Variants in CNTNAP3 observed in about 807,000 individuals in gnomAD.
CNTNAP3 encodes contactin associated protein family member 3.
In CNTNAP3, 36 loss-of-function variants were observed where a neutral mutation model predicts 92.1. That is an observed-to-expected ratio of 0.39 (90% CI 0.30 to 0.52). The LOEUF (loss-of-function observed/expected upper bound fraction) is 0.52, where lower values mean the gene tolerates loss of function less well. Ranked by LOEUF, CNTNAP3 falls within the 20% of genes least tolerant of loss-of-function variation. The pLI is 0.76. For missense variants in CNTNAP3, 534 were observed against 1,069.6 expected (o/e 0.50, Z 6.98); for synonymous variants, 232 against 422.3 (o/e 0.55, Z 5.53).
At chr9:39,075,885 C>T (rs1825748874) in intron 23 of CNTNAP3, among the ~76,000 whole-genome samples, 1 of 152,312 alleles carries the variant, frequency 6.6e-6, no homozygotes, top group South Asian at 2.1e-4. Flanking sequence ...AGGTCTGTCC[C>T]AACTACAAAG....
intron 13 of CNTNAP3, among the ~76,000 whole-genome samples, chr9:39,130,097 A>T (rs537265022): frequency 3.9e-5 from 6 of 152,318 alleles, no homozygotes; most frequent in African/African-American, 1.4e-4. Flanking sequence ...TTATAAAACT[A>T]AGTATGCAAT....
chr9:39,113,527 T>C (rs1820760584), intron 14 of CNTNAP3, among the ~76,000 whole-genome samples: 1 of 151,560 alleles, frequency 6.6e-6, no homozygotes, highest in African/African-American at 2.4e-5. Flanking sequence ...TTTATATTAT[T>C]TTGGATTTTC....
chr9:39,139,436 A>G (rs1238689746), intron 12 of CNTNAP3, among the ~76,000 whole-genome samples: 1 of 152,230 alleles, frequency 6.6e-6, no homozygotes, highest in Admixed American at 6.5e-5. Flanking sequence ...GTGGCTCTGA[A>G]TCTTCTGAAC....
At chr9:39,179,286 T>TCCACACACAC (rs1491209886) in intron 4 of CNTNAP3, among the ~76,000 whole-genome samples, 1 of 80,724 alleles carries the variant, frequency 1.2e-5, no homozygotes, top group Non-Finnish European at 2.3e-5. Flanking sequence ...TCTCTCTCTC[T>TCCACACACAC]ACACACACAC....
At chr9:39,074,895 AG>A (rs1369166104) in intron 23 of CNTNAP3, among the ~76,000 whole-genome samples, 1 of 152,264 alleles carries the variant, frequency 6.6e-6, no homozygotes, top group Non-Finnish European at 1.5e-5. Flanking sequence ...CAGGCTCCTG[AG>A]TAGCTGGGAC....
At chr9:39,132,060 T>G (rs966042358) in intron 13 of CNTNAP3, among the ~76,000 whole-genome samples, 1 of 152,128 alleles carries the variant, frequency 6.6e-6, no homozygotes, top group African/African-American at 2.4e-5. Flanking sequence ...GTTGCTCTGC[T>G]GCCCAAGCTG....
intron 18 of CNTNAP3, among the ~76,000 whole-genome samples, chr9:39,098,151 G>A (rs77696831): frequency 7.4e-6 from 1 of 135,666 alleles, no homozygotes; most frequent in Non-Finnish European, 1.6e-5. Context: ...TGTCTGGATA[G>A]AAAGGCTAAT....
chr9:39,125,073 G>C (rs1450293847), intron 13 of CNTNAP3, among the ~76,000 whole-genome samples: 1 of 152,066 alleles, frequency 6.6e-6, no homozygotes, highest in Non-Finnish European at 1.5e-5. Flanking sequence ...GTTTACTGAG[G>C]CAGTATTCAC....
chr9:39,095,134 T>G (rs1194151658), intron 18 of CNTNAP3, among the ~76,000 whole-genome samples: 3 of 151,700 alleles, frequency 2.0e-5, no homozygotes, highest in African/African-American at 7.2e-5. Context: ...CACTTTCAGA[T>G]TTTTCATTGC....
chr9:39,090,762 C>T (rs1211438296), intron 18 of CNTNAP3, among the ~76,000 whole-genome samples: 1 of 152,218 alleles, frequency 6.6e-6, no homozygotes, highest in Non-Finnish European at 1.5e-5. Flanking sequence ...TGAAACTGTA[C>T]TGAATCTGTA....
chr9:39,137,480 C>T (rs1044567256), intron 12 of CNTNAP3, among the ~76,000 whole-genome samples: 3 of 152,040 alleles, frequency 2.0e-5, no homozygotes, highest in Non-Finnish European at 2.9e-5. Context: ...ATTCCAATGT[C>T]CCTGCCATAT....
rs747410251 is a variant in CNTNAP3, at chr9:39,118,277, G to A, written c.2081-18C>T. The A allele has an allele frequency of 5.0e-6, 8 of 1,612,896 alleles. No homozygotes were observed. The highest frequency in any genetic ancestry group is 1.7e-5 in the Admixed American group (1 of 59,900). On this transcript the variant is annotated intron_variant, in intron 13 of 23. Coordinates refer to ENST00000297668, the MANE Select transcript of CNTNAP3 (RefSeq NM_033655.5). Reference sequence around the variant, plus strand: ...GGTTCCATCTGAAAGACAAGTATAAGAAACATGACATCTACTTTGTCCCTC... The same window carrying A: ...GGTTCCATCTGAAAGACAAGTATAAAAAACATGACATCTACTTTGTCCCTC...
intron 14 of CNTNAP3, among the ~76,000 whole-genome samples, chr9:39,115,803 C>A (rs1013491035): frequency 6.6e-6 from 1 of 151,992 alleles, no homozygotes; most frequent in Non-Finnish European, 1.5e-5. Flanking sequence ...CAGTTCCTCC[C>A]ATTCCCCTCC....
In CNTNAP3 at chr9:39,159,638, A is replaced by AGATG. The variant is rs1822039333; in HGVS notation, c.1477+6294_1477+6295insCATC. The AGATG allele has an allele frequency of 1.5e-5, 2 of 135,814 alleles. 1 individual carries two copies. Among genetic ancestry groups the AGATG allele is most frequent in the Non-Finnish European group, 3.1e-5 (2 of 65,276 alleles). The allele number at this position is 135,814 out of a possible 1,614,324, so 8.4% of individuals were successfully genotyped here. A position where few individuals can be genotyped will look rare whatever the true frequency, so the allele number is the denominator to read the frequency against. The stretch of plus-strand genomic sequence containing the variant: ...TGGGCCACCACGCCTGGAGATAGAT[A>AGATG]GATAGATAGATAGATAGATAGATAG... On this transcript the variant is annotated intron_variant, in intron 9 of 23. Transcript: ENST00000297668.
rs1822978686 is a variant in CNTNAP3 at position 39,278,725 on chromosome 9, G to C, written c.85+9255C>G. Among the ~76,000 whole-genome samples, 2 of 28,436 alleles carry C rather than the reference G, an allele frequency of 7.0e-5. 1 individual carries two copies. The highest frequency in any genetic ancestry group is 1.4e-4 in the African/African-American group (2 of 14,278). The allele number at this position is 28,436 out of a possible 152,430, so 18.7% of individuals were successfully genotyped here. A position where few individuals can be genotyped will look rare whatever the true frequency, so the allele number is the denominator to read the frequency against. The stretch of plus-strand genomic sequence containing the variant: ...GATTCCCTATTTAATAAACGGTGCT[G>C]GGAAAACTGGCTAGCCATAAGTAGA... On this transcript the variant is annotated intron_variant, in intron 1 of 23. Coordinates refer to ENST00000297668, the MANE Select transcript of CNTNAP3 (RefSeq NM_033655.5).
intron 12 of CNTNAP3, among the ~76,000 whole-genome samples, chr9:39,135,773 TAA>T (rs752396254): frequency 6.6e-6 from 1 of 152,142 alleles, no homozygotes; most frequent in Admixed American, 6.5e-5. Flanking sequence ...TATTTTATAA[TAA>T]AGTGTTGAAT....
chr9:39,101,476 C>T (rs1300577837), intron 17 of CNTNAP3, among the ~76,000 whole-genome samples: 2 of 127,700 alleles, frequency 1.6e-5, no homozygotes, highest in African/African-American at 2.8e-5. Flanking sequence ...AAATAAACAA[C>T]AGTGATAAAA....
intron 23 of CNTNAP3, among the ~76,000 whole-genome samples, chr9:39,074,784 T>TC (rs1488526102): frequency 6.6e-6 from 1 of 152,214 alleles, no homozygotes; most frequent in African/African-American, 2.4e-5. Context: ...TTCTTTTTTT[T>TC]CTGAGACGGA....
chr9:39,086,752 C>T lies in CNTNAP3; in HGVS notation c.3318G>A (p.Val1106=), dbSNP rs2118420481. The part of the protein sequence containing the change: ...KNMADGQLHQ[V]KINREEAVVM... ...CCACAGCTTCTTCTCTGTTAATCTT[C>T]ACTTGGTGAAGTTGCCCATCAGCCA... The change falls in exon 20 of 24, where the codon GTG becomes GTA. Residue 1106 remains valine, a synonymous_variant. Transcript: ENST00000297668. 2 of 1,611,064 alleles carry T rather than the reference C, an allele frequency of 1.2e-6. No individual in the cohort carries two copies. Among genetic ancestry groups the T allele is most frequent in the Non-Finnish European group, 1.7e-6 (2 of 1,179,642 alleles).
Sources: gnomAD v4.1 joint callset for allele counts (sites outside exome capture counted in the v4.1 genomes callset) on GRCh38, gnomAD v4.1.1 for gene constraint, MANE v1.5 for transcripts, NCBI Gene and HGNC (gene_info 2026-07-23, HGNC 2026-07-21) for gene names.